Variants in SAMD12 observed in about 807,000 individuals in gnomAD.
The protein encoded by SAMD12 is sterile alpha motif domain containing 12, also known as sterile alpha motif domain-containing protein 12.
SAMD12 carries 9 observed loss-of-function variants against 15.0 expected under a neutral mutation model. The observed-to-expected ratio is 0.60, with a 90% CI of 0.36 to 1.05. The LOEUF is 1.05. Ranked by LOEUF, SAMD12 falls within the 50% of genes least tolerant of loss-of-function variation. SAMD12 has a pLI of 0.01. For synonymous variants in SAMD12, 86 were observed against 90.1 expected, an observed-to-expected ratio of 0.96 and a Z score of 0.25; for missense variants, 230 against 234.2, an observed-to-expected ratio of 0.98 and a Z score of 0.12.
intron 3 of SAMD12, among the ~76,000 whole-genome samples, chr8:118,428,331 T>C (rs1822295813): frequency 6.6e-6 from 1 of 151,976 alleles, no homozygotes; most frequent in African/African-American, 2.4e-5. Flanking sequence ...CATGTGAGGT[T>C]GGGGCCATGG....
chr8:118,604,706 G>A (rs1445086647), intron 1 of SAMD12, among the ~76,000 whole-genome samples: 1 of 152,118 alleles, frequency 6.6e-6, no homozygotes, highest in African/African-American at 2.4e-5. Context: ...CGGATGAGGA[G>A]GTCAGGAGAT....
chr8:118,225,246 T>C (rs1586360970), intron 4 of SAMD12, among the ~76,000 whole-genome samples: 3 of 152,324 alleles, frequency 2.0e-5, no homozygotes, highest in Non-Finnish European at 1.5e-5. Flanking sequence ...CATTCATTCA[T>C]TCATTTATTC....
intron 2 of SAMD12, among the ~76,000 whole-genome samples, chr8:118,494,828 T>C (rs1824560650): frequency 2.0e-5 from 3 of 152,204 alleles, no homozygotes; most frequent in Admixed American, 1.3e-4. Context: ...GTGCTCAGCA[T>C]AGTGTCCCAC....
intron 2 of SAMD12, among the ~76,000 whole-genome samples, chr8:118,453,523 GTATT>G (rs898573970): frequency 1.3e-5 from 2 of 152,034 alleles, no homozygotes; most frequent in African/African-American, 4.8e-5. Context: ...GTATTTGGGG[GTATT>G]TATTTATCTT....
chr8:118,458,054 A>C (rs1484687096), intron 2 of SAMD12, among the ~76,000 whole-genome samples: 1 of 152,230 alleles, frequency 6.6e-6, no homozygotes, highest in Non-Finnish European at 1.5e-5. Flanking sequence ...ACAAACCAGA[A>C]GCAGAAAAAC....
At chr8:118,224,415 C>T (rs556292358) in intron 4 of SAMD12, among the ~76,000 whole-genome samples, 1 of 152,168 alleles carries the variant, frequency 6.6e-6, no homozygotes, top group East Asian at 1.9e-4. Flanking sequence ...TCTCAAATAA[C>T]AAATACTGGA....
chr8:118,364,941 C>T (rs143689647), intron 4 of SAMD12, among the ~76,000 whole-genome samples: 81 of 151,784 alleles, frequency 5.3e-4, no homozygotes, highest in African/African-American at 1.8e-3. Flanking sequence ...ACAACAGCCT[C>T]CTAACTAGAT....
At chr8:118,543,398 T>C (rs562451063) in intron 2 of SAMD12, among the ~76,000 whole-genome samples, 220 of 152,308 alleles carry the variant, frequency 1.4e-3, no homozygotes, top group South Asian at 2.5e-3. Flanking sequence ...AAGAGCTCCC[T>C]TCATTTCAAA....
downstream of SAMD12, among the ~76,000 whole-genome samples, chr8:118,185,959 C>T (rs1039298660): frequency 1.3e-5 from 2 of 152,132 alleles, no homozygotes; most frequent in Non-Finnish European, 2.9e-5. Flanking sequence ...AAGAACATTG[C>T]CATGAAGCAC....
chr8:118,347,126 G>A (rs1192080249), intron 4 of SAMD12, among the ~76,000 whole-genome samples: 6 of 152,158 alleles, frequency 3.9e-5, no homozygotes, highest in East Asian at 1.9e-4. Context: ...ACAGGGTCTC[G>A]CTGTGTAGCT....
At chr8:118,443,984 G>A (rs1021319596) in intron 2 of SAMD12, among the ~76,000 whole-genome samples, 1 of 152,292 alleles carries the variant, frequency 6.6e-6, no homozygotes, top group African/African-American at 2.4e-5. Flanking sequence ...GAGAGGCAGA[G>A]CTGTCAATGC....
rs62533400 is a variant in SAMD12 at position 118,425,139 on chromosome 8, C to T, written c.322+14693G>A. On this transcript the variant is annotated intron_variant, in intron 3 of 3. Coordinates refer to ENST00000314727, the MANE Select transcript of SAMD12 (RefSeq NM_207506.3). Reference sequence around the variant, plus strand: ...GTGTTCAGTACAGACAGGGTTTCACCGTGTTAGCCAGGATGGTCTCAATTT... The same window carrying T: ...GTGTTCAGTACAGACAGGGTTTCACTGTGTTAGCCAGGATGGTCTCAATTT... 8.0e-3 allele frequency among the ~76,000 whole-genome samples: 1,221 copies of T among 152,080 alleles called. 7 individuals carry two copies. Among genetic ancestry groups the T allele is most frequent in the Middle Eastern group, 0.014 (4 of 294 alleles).
At position 118,566,529 on chromosome 8, in the gene SAMD12, T is replaced by A. The variant is rs140055626; in HGVS notation, c.192+14186A>T. 4.2e-3 allele frequency among the ~76,000 whole-genome samples: 646 copies of A among 152,310 alleles called. 3 individuals are homozygous for A. Among genetic ancestry groups the A allele is most frequent in the African/African-American group, 0.014 (566 of 41,556 alleles). On this transcript the variant is annotated intron_variant, in intron 2 of 3. Coordinates refer to ENST00000314727, the MANE Select transcript of SAMD12 (RefSeq NM_207506.3). ...AGAGAAGGAGCCTAATATACACTTT[T>A]GAATCTAGAACAGTTTGTGTATTTT...
At chr8:118,569,953 T>C (rs1826962499) in intron 2 of SAMD12, among the ~76,000 whole-genome samples, 2 of 152,244 alleles carry the variant, frequency 1.3e-5, no homozygotes, top group African/African-American at 2.4e-5. Context: ...CAGGTTTTAC[T>C]TGGCACCTGG....
At chr8:118,157,631 T>C in the SAMD12 span, among the ~76,000 whole-genome samples, 4 of 152,342 alleles carry the variant, frequency 2.6e-5, no homozygotes, top group Non-Finnish European at 4.4e-5. Context: ...TCAAGTGTGA[T>C]AAAGCCCTGG....
At chr8:118,556,320 C>A (rs1003175987) in intron 2 of SAMD12, among the ~76,000 whole-genome samples, 1 of 152,200 alleles carries the variant, frequency 6.6e-6, no homozygotes, top group Non-Finnish European at 1.5e-5. Flanking sequence ...CCTATACTCT[C>A]AGCATGGTCT....
chr8:118,455,226 CACACTTTCTTCTTGAG>C (rs369424119), intron 2 of SAMD12, among the ~76,000 whole-genome samples: 2,587 of 151,670 alleles, frequency 0.017, 85 homozygotes, highest in African/African-American at 0.059. Context: ...CACAATGGAA[CACACTTTCTTCTTGAG>C]ACACTTTCTT....
intron 4 of SAMD12, among the ~76,000 whole-genome samples, chr8:118,244,791 A>G (rs901886193): frequency 6.6e-6 from 1 of 152,084 alleles, no homozygotes; most frequent in Non-Finnish European, 1.5e-5. Context: ...AGGAAAGTAG[A>G]GCGAAAACTA....
intron 2 of SAMD12, among the ~76,000 whole-genome samples, chr8:118,559,639 C>T (rs1826650338): frequency 6.6e-6 from 1 of 152,188 alleles, no homozygotes; most frequent in South Asian, 2.1e-4. Context: ...GCACTTGGAA[C>T]AGCACCTGGT....
Sources: allele counts gnomAD v4.1 joint callset (sites outside exome capture counted in the v4.1 genomes callset), GRCh38; gene constraint gnomAD v4.1.1; transcripts MANE v1.5; gene names NCBI Gene and HGNC (gene_info 2026-07-23, HGNC 2026-07-21).